TMEM132C: variants seen among roughly 807,000 people sequenced by gnomAD.
TMEM132C encodes the protein transmembrane protein 132C, also known as protein phosphatase 1, regulatory subunit 152.
Under a neutral mutation model 61.4 loss-of-function variants are expected in TMEM132C, and 29 were observed. That is an observed-to-expected ratio of 0.47 (90% CI 0.35 to 0.64). The LOEUF (loss-of-function observed/expected upper bound fraction) is 0.64. Ranked by LOEUF, TMEM132C falls within the 30% of genes least tolerant of loss-of-function variation. The pLI is 0.00. For missense variants in TMEM132C, 1,408 were observed against 1,476.9 expected, an observed-to-expected ratio of 0.95 and a Z score of 0.76; for synonymous variants, 656 against 633.1, an observed-to-expected ratio of 1.04 and a Z score of -0.54.
chr12:128,447,227 A>G (rs1870011140), intron 2 of TMEM132C, among the ~76,000 whole-genome samples: 1 of 152,134 alleles, frequency 6.6e-6, no homozygotes, highest in Admixed American at 6.5e-5. Context: ...CCCAGGGAAG[A>G]AGCATGATTG....
chr12:128,698,089 CTG>C (rs1408320954), intron 8 of TMEM132C, among the ~76,000 whole-genome samples: 2 of 152,190 alleles, frequency 1.3e-5, no homozygotes, highest in Non-Finnish European at 1.5e-5. Context: ...GAGAAGCCCC[CTG>C]TTCATCGCTC....
chr12:128,412,329 G>A (rs1409421185), intron 1 of TMEM132C, among the ~76,000 whole-genome samples: 1 of 151,968 alleles, frequency 6.6e-6, no homozygotes, highest in African/African-American at 2.4e-5. Flanking sequence ...TTTCTGCCTG[G>A]TTCTCACCCA....
chr12:128,531,506 A>G (rs1447431341), intron 2 of TMEM132C, among the ~76,000 whole-genome samples: 1 of 152,236 alleles, frequency 6.6e-6, no homozygotes, highest in Non-Finnish European at 1.5e-5. Flanking sequence ...ACAGGCAGGG[A>G]AGAGAGCTGG....
At chr12:128,276,863 C>T (rs1224443511) in intron 1 of TMEM132C, among the ~76,000 whole-genome samples, 1 of 148,356 alleles carries the variant, frequency 6.7e-6, no homozygotes, top group Non-Finnish European at 1.5e-5. Context: ...CCTGCCTCAA[C>T]ACACACATGT....
At chr12:128,655,589 T>C (rs1954318111) in intron 4 of TMEM132C, among the ~76,000 whole-genome samples, 1 of 151,662 alleles carries the variant, frequency 6.6e-6, no homozygotes, top group African/African-American at 2.4e-5. Flanking sequence ...CCTTTTGGAG[T>C]AATTTTTCTA....
At chr12:128,553,335 C>T (rs545795871) in intron 3 of TMEM132C, among the ~76,000 whole-genome samples, 1 of 152,002 alleles carries the variant, frequency 6.6e-6, no homozygotes, top group African/African-American at 2.4e-5. Flanking sequence ...TTTTTTAATG[C>T]CTTTATTTTA....
At chr12:128,358,493 T>TTGTGTGTGTGTGTGTGTG (rs58748919) in intron 1 of TMEM132C, among the ~76,000 whole-genome samples, 323 of 145,002 alleles carry the variant, frequency 2.2e-3, no homozygotes, top group African/African-American at 7.7e-3. Flanking sequence ...ACTTTTAAAA[T>TTGTGTGTGTGTGTGTGTG]TGTGTGTGTG....
chr12:128,515,887 A>T (rs1031256363), intron 2 of TMEM132C, among the ~76,000 whole-genome samples: 2 of 152,098 alleles, frequency 1.3e-5, no homozygotes, highest in Admixed American at 1.3e-4. Flanking sequence ...ATACAGCCCA[A>T]CGTGTGTGTT....
chr12:128,639,013 G>C (rs553837469), intron 4 of TMEM132C, among the ~76,000 whole-genome samples: 2 of 63,996 alleles, frequency 3.1e-5, no homozygotes, highest in South Asian at 9.2e-4. Context: ...GATGATGATG[G>C]TGGTGATGGT....
intron 2 of TMEM132C, among the ~76,000 whole-genome samples, chr12:128,497,428 G>A (rs1872004715): frequency 6.6e-6 from 1 of 152,212 alleles, no homozygotes; most frequent in Admixed American, 6.5e-5. Flanking sequence ...TGCCCCCAGA[G>A]GTGGAGTCTA....
At chr12:128,516,602 G>A (rs866433344) in intron 2 of TMEM132C, among the ~76,000 whole-genome samples, 13 of 150,686 alleles carry the variant, frequency 8.6e-5, no homozygotes, top group South Asian at 8.4e-4. Context: ...CCAAAGGAGG[G>A]AAAAAAAAAA....
intron 1 of TMEM132C, among the ~76,000 whole-genome samples, chr12:128,366,579 C>G (rs1565914325): frequency 1.3e-5 from 2 of 152,128 alleles, no homozygotes; most frequent in Admixed American, 6.5e-5. Flanking sequence ...CCACCCTGTT[C>G]AGTAAGTTTG....
rs1007156693 is a variant in TMEM132C at position 128,267,230 on chromosome 12, C to T, written c.-173C>T. Among the ~76,000 whole-genome samples, 1 of 146,752 alleles carries T rather than the reference C, an allele frequency of 6.8e-6. No individual in the cohort carries two copies. Among genetic ancestry groups the T allele is most frequent in the Non-Finnish European group, 1.5e-5 (1 of 66,022 alleles). On this transcript the variant is annotated 5_prime_UTR_variant, in exon 1 of 9. Coordinates refer to ENST00000435159, the MANE Select transcript of TMEM132C (RefSeq NM_001136103.3). ...GAGCCGGAGCCGCCAGAGCCAGAGC[C>T]GGAGCTGCGGCGGCGTGGACCCGGC...
chr12:128,527,693 G>A (rs868126650), intron 2 of TMEM132C, among the ~76,000 whole-genome samples: 35 of 134,114 alleles, frequency 2.6e-4, no homozygotes, highest in Non-Finnish European at 2.2e-4. Flanking sequence ...GTGCATGTAC[G>A]TGAATGTGCA....
At chr12:128,523,219 T>C (rs1362772863) in intron 2 of TMEM132C, among the ~76,000 whole-genome samples, 1 of 152,090 alleles carries the variant, frequency 6.6e-6, no homozygotes, top group Non-Finnish European at 1.5e-5. Flanking sequence ...GTCGAATTCA[T>C]AGAGACAGAA....
At chr12:128,306,295 C>T (rs1871779133) in intron 1 of TMEM132C, among the ~76,000 whole-genome samples, 3 of 151,808 alleles carry the variant, frequency 2.0e-5, no homozygotes, top group Admixed American at 6.6e-5. Context: ...CTCTGCCCCC[C>T]GGGTTCTGCC....
intron 2 of TMEM132C, among the ~76,000 whole-genome samples, chr12:128,432,290 G>A (rs1206678015): frequency 6.6e-6 from 1 of 152,130 alleles, no homozygotes; most frequent in African/African-American, 2.4e-5. Flanking sequence ...TTTGACTTTT[G>A]AGTCTTATTA....
chr12:128,530,500 G>A lies in TMEM132C; in HGVS notation c.975-13457G>A, dbSNP rs920603903. ...ACTCTGTTGCCCAGGCTGGAGTGCAGTGGCACAATCTCGGCTCACTGCAGC... is the reference window on the plus strand; with the variant it reads ...ACTCTGTTGCCCAGGCTGGAGTGCAATGGCACAATCTCGGCTCACTGCAGC... On this transcript the variant is annotated intron_variant, in intron 2 of 8. Transcript: ENST00000435159. 4.5e-4 allele frequency among the ~76,000 whole-genome samples: 68 copies of A among 151,646 alleles called. 1 individual carries two copies. The highest frequency in any genetic ancestry group is 1.0e-4 in the Non-Finnish European group (7 of 67,980).
At chr12:128,626,347 C>G (rs1954015873) in intron 4 of TMEM132C, among the ~76,000 whole-genome samples, 2 of 151,660 alleles carry the variant, frequency 1.3e-5, no homozygotes, top group Admixed American at 1.3e-4. Context: ...CCAGGCTGGT[C>G]TCGAACTCCT....
Sources: gnomAD v4.1 joint callset for allele counts (sites outside exome capture counted in the v4.1 genomes callset) on GRCh38, gnomAD v4.1.1 for gene constraint, MANE v1.5 for transcripts, NCBI Gene and HGNC (gene_info 2026-07-23, HGNC 2026-07-21) for gene names.